RAB21: variants seen among roughly 807,000 people sequenced by gnomAD.
The protein encoded by RAB21 is RAB21, member RAS oncogene family.
A neutral mutation model predicts 33.1 loss-of-function variants in RAB21; 13 were observed. That is an observed-to-expected ratio of 0.39 (90% CI 0.26 to 0.62). The LOEUF is 0.62. Among genes scored for constraint, RAB21 ranks in the 20% least tolerant of loss-of-function variants. RAB21 has a pLI of 0.48. For synonymous variants in RAB21, 91 were observed against 103.7 expected (o/e 0.88, Z 0.74); for missense variants, 234 against 279.1 (o/e 0.84, Z 1.15).
At chr12:71,758,042 T>C (rs1882811626) in intron 1 of RAB21, among the ~76,000 whole-genome samples, 1 of 152,040 alleles carries the variant, frequency 6.6e-6, no homozygotes, top group Non-Finnish European at 1.5e-5. Flanking sequence ...TTTTTTTTTT[T>C]TTCTTTTTGA....
At chr12:71,782,988 A>G (rs756973922) in intron 6 of RAB21, among the ~76,000 whole-genome samples, 18 of 152,116 alleles carry the variant, frequency 1.2e-4, no homozygotes, top group Non-Finnish European at 2.2e-4. Context: ...CTTGCAATGA[A>G]TGGACCTTAT....
At chr12:71,759,769 A>C (rs781277259) in intron 1 of RAB21, among the ~76,000 whole-genome samples, 4 of 152,244 alleles carry the variant, frequency 2.6e-5, no homozygotes, top group Non-Finnish European at 4.4e-5. Flanking sequence ...TGCAGTACTC[A>C]AATCTATTAG....
At chr12:71,781,205 C>G (rs192778429) in intron 4 of RAB21, among the ~76,000 whole-genome samples, 1 of 152,130 alleles carries the variant, frequency 6.6e-6, no homozygotes, top group Non-Finnish European at 1.5e-5. Flanking sequence ...CGCGGTGGCT[C>G]AAGCCTGTAA....
rs1371399859 is a variant in RAB21, at chr12:71,797,494, A to G, written c.*11821A>G. On this transcript the variant is annotated 3_prime_UTR_variant, in exon 7 of 7. Transcript: ENST00000261263. ...TGAAAATAAATTCAAACACATGGAG[A>G]TGCATATCATATTCTTGGATAGGAA... 2 of 151,864 alleles carry G rather than the reference A, an allele frequency of 1.3e-5. No individual in the cohort carries two copies. The highest frequency in any genetic ancestry group is 2.9e-5 in the Non-Finnish European group (2 of 67,948). 9.4% of individuals were successfully genotyped at this position (151,864 alleles called of 1,614,324 possible).
At chr12:71,776,538 A>T (rs532645141) in intron 4 of RAB21, among the ~76,000 whole-genome samples, 1 of 152,096 alleles carries the variant, frequency 6.6e-6, no homozygotes, top group Admixed American at 6.6e-5. Flanking sequence ...GGTAGGGTCA[A>T]ATACCCCATT....
chr12:71,772,046 C>T (rs1271715361), intron 3 of RAB21, among the ~76,000 whole-genome samples: 2 of 152,036 alleles, frequency 1.3e-5, no homozygotes, highest in Non-Finnish European at 2.9e-5. Flanking sequence ...ACAAAACCCC[C>T]AAAATTTTTG....
At chr12:71,773,605 TG>T (rs1883075486) in intron 3 of RAB21, among the ~76,000 whole-genome samples, 1 of 152,222 alleles carries the variant, frequency 6.6e-6, no homozygotes, top group Non-Finnish European at 1.5e-5. Context: ...TAAACCCATA[TG>T]TTCCTAAGTC....
rs80320402 is a variant in RAB21, at chr12:71,790,874, C to A, written c.*5201C>A. 2.7e-5 allele frequency: 4 copies of A among 148,980 alleles called. No individual in the cohort carries two copies. The highest frequency in any genetic ancestry group is 9.8e-5 in the African/African-American group (4 of 40,840). 9.2% of individuals were successfully genotyped at this position (148,980 alleles called of 1,614,324 possible). A position where few individuals can be genotyped will look rare whatever the true frequency, so the allele number is the denominator to read the frequency against. On this transcript the variant is annotated 3_prime_UTR_variant, in exon 7 of 7. Transcript: ENST00000261263. The stretch of plus-strand genomic sequence containing the variant: ...TTCTATGGATGTGTCTTGCCTTTTT[C>A]TTTTTTTTTTCTTTCTTTTTTTCTT...
At chr12:71,757,038 T>C (rs1031814817) in intron 1 of RAB21, among the ~76,000 whole-genome samples, 1 of 152,210 alleles carries the variant, frequency 6.6e-6, no homozygotes, top group African/African-American at 2.4e-5. Flanking sequence ...CTCGGTATAT[T>C]GATAAATAAC....
At chr12:71,766,433 T>TA (rs1473246705) in intron 1 of RAB21, among the ~76,000 whole-genome samples, 1 of 152,140 alleles carries the variant, frequency 6.6e-6, no homozygotes. Flanking sequence ...TCCACATCTG[T>TA]AATACATGGG....
chr12:71,800,062 G>T lies in RAB21; in HGVS notation c.*14389G>T, dbSNP rs1169363777. The T allele has an allele frequency of 2.2e-5, 3 of 135,960 alleles. No individual in the cohort carries two copies. The Admixed American group carries it at 2.3e-4, about 10-fold the overall frequency. 8.4% of individuals were successfully genotyped at this position (135,960 alleles called of 1,614,324 possible). On this transcript the variant is annotated 3_prime_UTR_variant, in exon 7 of 7. Coordinates refer to ENST00000261263, the MANE Select transcript of RAB21 (RefSeq NM_014999.4). ...TACTCCAGCCTGAGCAACAGAGTGA[G>T]ACTCTATCTCAAAAAAAAAAAAAAA... is the stretch of plus-strand genomic sequence containing the variant.
At chr12:71,755,408 G>C in intron 1 of RAB21, 120 bp downstream of exon 1, 9 of 1,214,468 alleles carry the variant, frequency 7.4e-6, no homozygotes, top group Non-Finnish European at 9.7e-6. Context: ...TGTCATCTCC[G>C]CCTTCGGTTT....
At position 71,799,456 on chromosome 12, in the gene RAB21, T is replaced by C. The variant is rs1883509535; in HGVS notation, c.*13783T>C. On this transcript the variant is annotated 3_prime_UTR_variant, in exon 7 of 7. Coordinates refer to ENST00000261263, the MANE Select transcript of RAB21 (RefSeq NM_014999.4). The stretch of plus-strand genomic sequence containing the variant: ...CAACAGCAATCAAAATTGTCTTTTC[T>C]TTTGACCTAGCAGTTTCACTTCTTG... 1 of 152,246 alleles carries C rather than the reference T, an allele frequency of 6.6e-6. No individual in the cohort carries two copies. The highest frequency in any genetic ancestry group is 2.4e-5 in the African/African-American group (1 of 41,460). 9.4% of individuals were successfully genotyped at this position (152,246 alleles called of 1,614,324 possible).
intron 4 of RAB21, among the ~76,000 whole-genome samples, chr12:71,781,068 C>G (rs1883191429): frequency 1.3e-5 from 2 of 151,882 alleles, no homozygotes. Context: ...AAGTATAATC[C>G]CAGCTTGGTT....
chr12:71,769,807 T>G lies in RAB21; in HGVS notation c.167T>G (p.Phe56Cys), dbSNP rs192400678. 1 of 1,383,940 alleles carries G rather than the reference T, an allele frequency of 7.2e-7. No homozygotes were observed. The highest frequency in any genetic ancestry group is 2.6e-5 in the Admixed American group (1 of 38,852). The allele number at this position is 1,383,940 out of a possible 1,614,324, so 85.7% of individuals were successfully genotyped here. ...GTTTATTTCTCTTTTTAGGCATCAT[T>G]CTTAACAAAGAAGTTAAATATTGGT... ...DKHITTLQAS[F>C]LTKKLNIGGK... The change falls in exon 2 of 7, where the codon TTC becomes TGC. Residue 56 changes from phenylalanine (F) to cysteine (C), a missense_variant. Transcript: ENST00000261263.
At chr12:71,763,033 G>A (rs982873947) in intron 1 of RAB21, among the ~76,000 whole-genome samples, 5 of 150,974 alleles carry the variant, frequency 3.3e-5, no homozygotes, top group African/African-American at 1.2e-4. Flanking sequence ...TTAACAAATA[G>A]TTGTACATTA....
chr12:71,755,395 GC>G, intron 1 of RAB21, 107 bp downstream of exon 1: 1 of 1,279,302 alleles, frequency 7.8e-7, no homozygotes, highest in Non-Finnish European at 1.0e-6. Context: ...CAAATCTCAG[GC>G]CTGTCATCTC....
At chr12:71,763,215 A>G (rs1882905811) in intron 1 of RAB21, among the ~76,000 whole-genome samples, 1 of 151,020 alleles carries the variant, frequency 6.6e-6, no homozygotes, top group Non-Finnish European at 1.5e-5. Context: ...AGATAAAGCC[A>G]GGAAAGTATT....
intron 6 of RAB21, among the ~76,000 whole-genome samples, chr12:71,783,853 C>T (rs1592650706): frequency 6.6e-6 from 1 of 151,774 alleles, no homozygotes; most frequent in African/African-American, 2.4e-5. Flanking sequence ...TCCTTACCTC[C>T]CTCCCTCCCT....
Sources: allele counts gnomAD v4.1 joint callset (sites outside exome capture counted in the v4.1 genomes callset), GRCh38; gene constraint gnomAD v4.1.1; transcripts MANE v1.5; gene names NCBI Gene and HGNC (gene_info 2026-07-23, HGNC 2026-07-21).